The following TTYH3 variants were observed in gnomAD, a reference collection of about 807,000 sequenced individuals.
TTYH3 encodes the protein tweety family member 3.
In TTYH3, 23 loss-of-function variants were observed where a neutral mutation model predicts 68.2. The ratio of observed to expected loss-of-function variants is 0.34; its 90% CI spans 0.24 to 0.48. The LOEUF is 0.48. Ranked by LOEUF, TTYH3 falls within the 20% of genes least tolerant of loss-of-function variation. TTYH3 has a pLI of 0.99. For synonymous variants in TTYH3, 360 were observed against 332.8 expected (o/e 1.08, Z -0.89); for missense variants, 768 against 727.7 (o/e 1.06, Z -0.64).
intron 7 of TTYH3, among the ~76,000 whole-genome samples, chr7:2,651,929 C>T (rs535024299): frequency 3.9e-5 from 6 of 152,274 alleles, no homozygotes; most frequent in Admixed American, 1.3e-4. Context: ...CATGTACACA[C>T]AGACATGCAC....
chr7:2,644,829 G>A (rs148935405), intron 1 of TTYH3, among the ~76,000 whole-genome samples: 3 of 152,212 alleles, frequency 2.0e-5, no homozygotes, highest in South Asian at 2.1e-4. Context: ...TGTGGACGTC[G>A]GCCGGCTTCC....
intron 1 of TTYH3, among the ~76,000 whole-genome samples, chr7:2,639,098 C>A (rs1785759932): frequency 6.6e-6 from 1 of 152,170 alleles, no homozygotes; most frequent in South Asian, 2.1e-4. Flanking sequence ...GCCAGCCTCT[C>A]AGACACCCCC....
intron 1 of TTYH3, among the ~76,000 whole-genome samples, chr7:2,636,264 T>C (rs1224403801): frequency 6.6e-6 from 1 of 152,232 alleles, no homozygotes; most frequent in Non-Finnish European, 1.5e-5. Flanking sequence ...AAATGAGTTC[T>C]GGTTAAAACG....
In TTYH3 at chr7:2,658,964, C is replaced by A; in HGVS notation, c.1449C>A (p.Asn483Lys). ...GGAGCCAGAACGCTAATTTCCAGAA[C>A]CCCCGCTGTGAGAACACCCCACTCA... ...EYMSQNANFQ[N>K]PRCENTPLIG... is the part of the protein sequence containing the mutation. The change falls in exon 13 of 14, where the codon AAC becomes AAA. Residue 483 changes from asparagine (N) to lysine (K), a missense_variant. Physicochemically the swap from Asn to Lys is moderately conservative, Grantham distance 94 (BLOSUM62 0). Coordinates refer to ENST00000258796, the MANE Select transcript of TTYH3 (RefSeq NM_025250.3). 2 of 1,614,060 alleles carry A rather than the reference C, an allele frequency of 1.2e-6. No homozygotes were observed. Among genetic ancestry groups the A allele is most frequent in the Non-Finnish European group, 1.7e-6 (2 of 1,179,924 alleles).
Position 2,661,997 on chromosome 7 carries a change from T to C in TTYH3, c.*258T>C, listed in dbSNP as rs1786511479. ...TGCCCCAGCCCTGCACGCCACCCAC[T>C]ATCCCGGCACGCTCCCTCTGCAGAT... On this transcript the variant is annotated 3_prime_UTR_variant, in exon 14 of 14. Coordinates refer to ENST00000258796, the MANE Select transcript of TTYH3 (RefSeq NM_025250.3). 3.4e-6 allele frequency: 2 copies of C among 590,452 alleles called. No individual in the cohort carries two copies. The highest frequency in any genetic ancestry group is 4.0e-5 in the South Asian group (2 of 50,326). The allele number at this position is 590,452 out of a possible 1,614,324, so 36.6% of individuals were successfully genotyped here. A position where few individuals can be genotyped will look rare whatever the true frequency, so the allele number is the denominator to read the frequency against.
Position 2,647,490 on chromosome 7 carries a change from G to T in TTYH3, c.478G>T (p.Gly160Trp). Residue 160 changes from glycine (G) to tryptophan (W), a missense_variant, in exon 4 of 14, where the codon GGG (glycine) becomes TGG (tryptophan). By Grantham distance (184) the Gly-to-Trp change is radical. Coordinates refer to ENST00000258796, the MANE Select transcript of TTYH3 (RefSeq NM_025250.3). Reference sequence around the variant, plus strand: ...GCAGACCCTGGAGCGGCAGCTGGCCGGGCGGCCCGAGCCCCTGCGAGCCGT... The same window carrying T: ...GCAGACCCTGGAGCGGCAGCTGGCCTGGCGGCCCGAGCCCCTGCGAGCCGT... Reference protein sequence around the residue: ...SLQTLERQLAGRPEPLRAVQR... With the variant: ...SLQTLERQLAWRPEPLRAVQR... 6.5e-7 allele frequency: 1 copy of T among 1,537,350 alleles called. No individual in the cohort carries two copies. Among genetic ancestry groups the T allele is most frequent in the East Asian group, 2.5e-5 (1 of 40,784 alleles).
intron 1 of TTYH3, among the ~76,000 whole-genome samples, chr7:2,637,491 A>G (rs1177564989): frequency 1.3e-5 from 2 of 152,140 alleles, no homozygotes; most frequent in Non-Finnish European, 2.9e-5. Flanking sequence ...GCTGCAGCCC[A>G]GCCACGTCCG....
intron 7 of TTYH3, among the ~76,000 whole-genome samples, chr7:2,650,667 G>C (rs1165327409): frequency 6.6e-6 from 1 of 152,096 alleles, no homozygotes; most frequent in Non-Finnish European, 1.5e-5. Context: ...TGGAGGGTGG[G>C]AGGCCAGTGG....
Position 2,662,197 on chromosome 7 carries a change from C to T in TTYH3, c.*458C>T, listed in dbSNP as rs113513073. 7.7e-3 allele frequency: 2,124 copies of T among 276,388 alleles called. 39 individuals carry two copies. The highest frequency in any genetic ancestry group is 0.046 in the African/African-American group (2,032 of 43,890). The allele number at this position is 276,388 out of a possible 1,614,324, so 17.1% of individuals were successfully genotyped here. A position where few individuals can be genotyped will look rare whatever the true frequency, so the allele number is the denominator to read the frequency against. Reference sequence around the variant, plus strand: ...TGCTGGCCACTGAGGGACAGGGACACGTGCCACCTGCTCATCTCTGCCCTG... The same window carrying T: ...TGCTGGCCACTGAGGGACAGGGACATGTGCCACCTGCTCATCTCTGCCCTG... On this transcript the variant is annotated 3_prime_UTR_variant, in exon 14 of 14. Transcript: ENST00000258796.
At position 2,647,901 on chromosome 7, in the gene TTYH3, G is replaced by A. The variant is rs760108250; in HGVS notation, c.627-58G>A. 226 of 1,583,798 alleles carry A rather than the reference G, an allele frequency of 1.4e-4. 1 individual carries two copies. The highest frequency in any genetic ancestry group is 1.8e-4 in the Non-Finnish European group (215 of 1,165,300). ...CAGCTCCCCCTCAAGGGCCCCTGGC[G>A]CCCCACTCCCAGGCCCCGGGTCCCT... On this transcript the variant is annotated intron_variant, in intron 4 of 13. Transcript: ENST00000258796.
chr7:2,660,265 C>T, intron 13 of TTYH3: 1 of 985,422 alleles, frequency 1.0e-6, no homozygotes. Flanking sequence ...TTCCAGGCTC[C>T]CCCTGCCCAG....
chr7:2,661,626 A>AT (rs1343106723), intron 13 of TTYH3, 42 bp from the exon 14 acceptor site: 1 of 1,595,952 alleles, frequency 6.3e-7, no homozygotes, highest in South Asian at 1.1e-5. Flanking sequence ...TGCGTGCGCC[A>AT]TGCAGGGGCC....
At chr7:2,660,594 G>T (rs1786469238) in intron 13 of TTYH3, 1 of 959,948 alleles carries the variant, frequency 1.0e-6, no homozygotes, top group Non-Finnish European at 1.2e-6. Flanking sequence ...CCCTTGTGCT[G>T]CATGTCAGTG....
At chr7:2,638,302 G>C (rs765872628) in intron 1 of TTYH3, among the ~76,000 whole-genome samples, 12 of 152,182 alleles carry the variant, frequency 7.9e-5, no homozygotes, top group Non-Finnish European at 1.5e-4. Context: ...CGGAGCACGG[G>C]GACCAAAATA....
At chr7:2,649,398 C>T (rs1409765810) in intron 5 of TTYH3, among the ~76,000 whole-genome samples, 169 bp from the exon 6 acceptor site, 1 of 152,164 alleles carries the variant, frequency 6.6e-6, no homozygotes, top group African/African-American at 2.4e-5. Flanking sequence ...TCCATCTGGG[C>T]CCTGGGCTGT....
chr7:2,642,464 C>T (rs552542018), intron 1 of TTYH3, among the ~76,000 whole-genome samples: 3 of 150,432 alleles, frequency 2.0e-5, no homozygotes, highest in South Asian at 2.1e-4. Context: ...ATCACTTGAA[C>T]CTGAGAGGTG....
At chr7:2,651,569 C>T (rs886495253) in intron 7 of TTYH3, among the ~76,000 whole-genome samples, 1 of 152,178 alleles carries the variant, frequency 6.6e-6, no homozygotes, top group African/African-American at 2.4e-5. Context: ...AGCAGCGCCC[C>T]CTACACGTGT....
chr7:2,653,403 A>G (rs1445145216), intron 9 of TTYH3, among the ~76,000 whole-genome samples: 4 of 152,230 alleles, frequency 2.6e-5, no homozygotes, highest in Admixed American at 1.3e-4. Flanking sequence ...AGCTCTTTAT[A>G]TTTAAAAAAA....
At chr7:2,653,646 T>C (rs958412665) in intron 9 of TTYH3, among the ~76,000 whole-genome samples, 1 of 152,228 alleles carries the variant, frequency 6.6e-6, no homozygotes, top group Admixed American at 6.5e-5. Context: ...GTGAATCACT[T>C]GAGCCCAGGA....
Sources: allele counts gnomAD v4.1 joint callset (sites outside exome capture counted in the v4.1 genomes callset), GRCh38; gene constraint gnomAD v4.1.1; transcripts MANE v1.5; gene names NCBI Gene and HGNC (gene_info 2026-07-23, HGNC 2026-07-21).